RANGAP1: variants seen among roughly 807,000 people sequenced by gnomAD.
RANGAP1 encodes Ran GTPase activating protein 1.
In RANGAP1, 38 loss-of-function variants were observed where a neutral mutation model predicts 63.5. The observed-to-expected ratio is 0.60, with a 90% CI of 0.46 to 0.78. The LOEUF is 0.78. Ranked by LOEUF, RANGAP1 falls within the 30% of genes least tolerant of loss-of-function variation. The pLI, the probability that RANGAP1 is intolerant of heterozygous loss-of-function variation, is 0.00. For missense variants in RANGAP1, 630 were observed against 740.3 expected (o/e 0.85, Z 1.73); for synonymous variants, 329 against 310.5 (o/e 1.06, Z -0.63).
At chr22:41,297,066 C>T in the RANGAP1 span, among the ~76,000 whole-genome samples, 2 of 152,146 alleles carry the variant, frequency 1.3e-5, no homozygotes, top group Non-Finnish European at 2.9e-5. Context: ...AAACATTAGC[C>T]GGGTGTGGTG....
intron 11 of RANGAP1, among the ~76,000 whole-genome samples, chr22:41,253,619 A>G (rs1826608939): frequency 1.3e-5 from 2 of 152,148 alleles, no homozygotes; most frequent in Non-Finnish European, 2.9e-5. Context: ...CCCAGCCACC[A>G]TCCCAGGAAT....
upstream of RANGAP1, chr22:41,286,243 G>C (rs1268985641): frequency 1.3e-5 from 2 of 152,366 alleles, no homozygotes; most frequent in African/African-American, 4.8e-5. Context: ...GCTTCGATTT[G>C]ATTTGTTCGA....
chr22:41,262,686 A>G (rs1353329143), intron 5 of RANGAP1, among the ~76,000 whole-genome samples: 1 of 152,150 alleles, frequency 6.6e-6, no homozygotes, highest in Non-Finnish European at 1.5e-5. Context: ...CACTCAGGGT[A>G]GAGACATCAA....
intron 3 of RANGAP1, among the ~76,000 whole-genome samples, chr22:41,269,630 G>A (rs923815955): frequency 6.6e-6 from 1 of 151,488 alleles, no homozygotes; most frequent in South Asian, 2.1e-4. Flanking sequence ...AGCCACTCTA[G>A]AGGCCACTCA....
the RANGAP1 span, among the ~76,000 whole-genome samples, chr22:41,292,626 A>G: frequency 2.0e-5 from 3 of 151,592 alleles, no homozygotes; most frequent in Admixed American, 6.6e-5. Flanking sequence ...GGGCCCCTGT[A>G]ATCCCAGCTA....
intron 5 of RANGAP1, among the ~76,000 whole-genome samples, chr22:41,262,345 G>A (rs1047685682): frequency 4.6e-5 from 7 of 152,172 alleles, no homozygotes; most frequent in Non-Finnish European, 8.8e-5. Context: ...CGAGTGCACC[G>A]AGAGAAGTGA....
upstream of RANGAP1, among the ~76,000 whole-genome samples, chr22:41,287,643 G>A (rs1337805001): frequency 6.6e-6 from 1 of 150,986 alleles, no homozygotes; most frequent in Non-Finnish European, 1.5e-5. Context: ...CCTGGCGACA[G>A]AGCAAGACCT....
intron 4 of RANGAP1, 134 bp downstream of exon 4, chr22:41,267,963 G>A (rs746879221): frequency 3.7e-5 from 34 of 920,662 alleles, no homozygotes; most frequent in African/African-American, 6.6e-5. Context: ...TGGACTTGCC[G>A]GGCTTCCATT....
chr22:41,249,963 G>T (rs985174673), intron 13 of RANGAP1, 146 bp from the exon 14 acceptor site: 1 of 689,592 alleles, frequency 1.5e-6, no homozygotes, highest in Non-Finnish European at 2.6e-6. Context: ...GGACGGCAGA[G>T]ACACAGGAAC....
chr22:41,264,620 G>T, intron 5 of RANGAP1, 44 bp downstream of exon 5: 1 of 1,578,004 alleles, frequency 6.3e-7, no homozygotes, highest in East Asian at 2.3e-5. Context: ...AGACGGATGT[G>T]GATGGACCAG....
chr22:41,246,748 C>G, intron 15 of RANGAP1, 76 bp from the exon 16 acceptor site: 1 of 1,342,006 alleles, frequency 7.5e-7, no homozygotes, highest in South Asian at 1.3e-5. Flanking sequence ...CATTTTGGTG[C>G]CAGACTCATT....
intron 2 of RANGAP1, among the ~76,000 whole-genome samples, chr22:41,278,190 C>G (rs775579879): frequency 6.6e-6 from 1 of 152,102 alleles, no homozygotes; most frequent in African/African-American, 2.4e-5. Flanking sequence ...AGGTGTCCAC[C>G]ACCACGCCCG....
chr22:41,280,783 CATTGTTAG>C, intron 2 of RANGAP1, 142 bp downstream of exon 2: 3 of 1,527,828 alleles, frequency 2.0e-6, no homozygotes, highest in Non-Finnish European at 2.6e-6. Context: ...CTCTGAGCCT[CATTGTTAG>C]AATAGGCCCA....
intron 3 of RANGAP1, among the ~76,000 whole-genome samples, chr22:41,269,382 A>G (rs1157679538): frequency 6.6e-6 from 1 of 152,236 alleles, no homozygotes; most frequent in Non-Finnish European, 1.5e-5. Flanking sequence ...AATAAGACCT[A>G]GTGTTCAATA....
Position 41,256,797 on chromosome 22 carries a change from C to A in RANGAP1, c.802G>T (p.Val268Leu). The change falls in exon 8 of 16, where the codon GTG becomes TTG. Residue 268 changes from valine to leucine, a missense_variant. Coordinates refer to ENST00000356244, the MANE Select transcript of RANGAP1 (RefSeq NM_002883.4). The part of the protein sequence containing the change: ...ETLKTLRQVE[V>L]INFGDCLVRS... ...ACCAGGCAGTCCCCAAAATTAATCACCTCCACCTGCCGCAAGGTCTTCAAG... is the reference window on the plus strand; with the variant it reads ...ACCAGGCAGTCCCCAAAATTAATCAACTCCACCTGCCGCAAGGTCTTCAAG... 1 of 1,614,046 alleles carries A rather than the reference C, an allele frequency of 6.2e-7. No individual in the cohort carries two copies. Among genetic ancestry groups the A allele is most frequent in the Non-Finnish European group, 8.5e-7 (1 of 1,180,004 alleles).
chr22:41,256,684 G>A (rs776730208), intron 8 of RANGAP1, 27 bp downstream of exon 8: 1 of 1,595,596 alleles, frequency 6.3e-7, no homozygotes. Context: ...ACCCCAGAGG[G>A]AGGACGTCAG....
At position 41,264,670 on chromosome 22, in the gene RANGAP1, G is replaced by A. The variant is rs773090708; in HGVS notation, c.474C>T (p.Gly158=). 9.3e-6 allele frequency: 15 copies of A among 1,609,834 alleles called. No individual in the cohort carries two copies. Among genetic ancestry groups the A allele is most frequent in the East Asian group, 6.7e-5 (3 of 44,742 alleles). Residue 158 remains glycine, a synonymous_variant, in exon 5 of 16, where the codon GGC becomes GGT. Transcript: ENST00000356244. The part of the protein sequence containing the change: ...KLNNCGMGIG[G]GKILAAALTE... ...AGGGGGCTGCCACACCCACCTTGCCGCCGCCAATGCCCATGCCACAGTTGT... is the reference window on the plus strand; with the variant it reads ...AGGGGGCTGCCACACCCACCTTGCCACCGCCAATGCCCATGCCACAGTTGT...
chr22:41,283,572 T>C (rs1237229668), intron 1 of RANGAP1, among the ~76,000 whole-genome samples: 5 of 151,960 alleles, frequency 3.3e-5, no homozygotes, highest in Non-Finnish European at 5.9e-5. Context: ...AAGGCATTAT[T>C]AGGAAATAGT....
intron 12 of RANGAP1, among the ~76,000 whole-genome samples, chr22:41,252,024 C>T (rs1024238384): frequency 5.3e-5 from 8 of 152,138 alleles, no homozygotes; most frequent in African/African-American, 1.7e-4. Context: ...TCCGAGCCTC[C>T]GCTTTCTTAT....
Sources: gnomAD v4.1 joint callset for allele counts (sites outside exome capture counted in the v4.1 genomes callset) on GRCh38, gnomAD v4.1.1 for gene constraint, MANE v1.5 for transcripts, NCBI Gene and HGNC (gene_info 2026-07-23, HGNC 2026-07-21) for gene names.